The following ENOSF1 variants were observed in gnomAD, a reference collection of about 807,000 sequenced individuals.
ENOSF1 encodes the protein enolase superfamily member 1.
ENOSF1 carries 73 observed loss-of-function variants against 68.2 expected under a neutral mutation model. The observed-to-expected ratio is 1.07, with a 90% CI of 0.89 to 1.30. The LOEUF is 1.30. Ranked by LOEUF, ENOSF1 falls within the 50% of genes most tolerant of loss-of-function variation. The probability of loss-of-function intolerance (pLI) is 0.00; values close to 1 mark genes in which losing one functional copy is unlikely to be tolerated. For missense variants in ENOSF1, 589 were observed against 554.5 expected, an observed-to-expected ratio of 1.06 and a Z score of -0.62; for synonymous variants, 223 against 210.4, an observed-to-expected ratio of 1.06 and a Z score of -0.52.
intron 2 of ENOSF1, among the ~76,000 whole-genome samples, chr18:703,927 G>A (rs1358740510): frequency 6.6e-6 from 1 of 152,066 alleles, no homozygotes; most frequent in Non-Finnish European, 1.5e-5. Context: ...TTAAAAGTGT[G>A]TAGCACCTCC....
intron 9 of ENOSF1, 81 bp from the exon 10 acceptor site, chr18:686,089 G>T (rs146074607): frequency 3.2e-6 from 3 of 945,920 alleles, no homozygotes; most frequent in Middle Eastern, 4.2e-4. Flanking sequence ...AGAAGTGACC[G>T]TCTCTGTCAA....
chr18:709,205 A>G (rs2079249258), intron 1 of ENOSF1, among the ~76,000 whole-genome samples: 2 of 152,194 alleles, frequency 1.3e-5, no homozygotes, highest in African/African-American at 4.8e-5. Flanking sequence ...AGTCTCCGGC[A>G]TAAAGGGTGG....
rs1446158374 is a variant in ENOSF1 at position 683,361 on chromosome 18, C to T, written c.761G>A (p.Arg254His). ...EKTLMMDANQ[R>H]WDVPEAVEWM... ...CTCCACCGCCTCAGGCACATCCCAGCGCTGGTTGGCATCCATCATCTGCAA... is the reference window on the plus strand; with the variant it reads ...CTCCACCGCCTCAGGCACATCCCAGTGCTGGTTGGCATCCATCATCTGCAA... The change falls in exon 11 of 16, where the codon CGC (arginine) becomes CAC (histidine). Residue 254 changes from arginine (R) to histidine (H), a missense_variant. Coordinates refer to ENST00000647584, the MANE Select transcript of ENOSF1 (RefSeq NM_017512.7). 6 of 1,614,014 alleles carry T rather than the reference C, an allele frequency of 3.7e-6. No homozygotes were observed. Among genetic ancestry groups the T allele is most frequent in the East Asian group, 2.2e-5 (1 of 44,860 alleles).
intron 5 of ENOSF1, chr18:692,194 AAC>A (rs2077257616): frequency 6.6e-6 from 1 of 152,272 alleles, no homozygotes. Context: ...ACCCTGACGG[AAC>A]AGTCAGTTGG....
At chr18:680,844 C>T (rs1414679282) in intron 11 of ENOSF1, among the ~76,000 whole-genome samples, 1 of 148,524 alleles carries the variant, frequency 6.7e-6, no homozygotes, top group Non-Finnish European at 1.5e-5. Context: ...CCGCGCCCTG[C>T]TAATTTTTTT....
rs764943124 is a variant in ENOSF1 at position 670,796 on chromosome 18, C to T, written c.*3509G>A. The T allele has an allele frequency of 6.2e-7, 1 of 1,613,980 alleles. No individual in the cohort carries two copies. The highest frequency in any genetic ancestry group is 8.5e-7 in the Non-Finnish European group (1 of 1,180,038). Reference sequence around the variant, plus strand: ...GTACCAGAGATCGGGAGACATGGGCCTCGGTGTGCCTTTCAACATCGCCAG... The same window carrying T: ...GTACCAGAGATCGGGAGACATGGGCTTCGGTGTGCCTTTCAACATCGCCAG... On this transcript the variant is annotated 3_prime_UTR_variant, in exon 16 of 16. Coordinates refer to ENST00000647584, the MANE Select transcript of ENOSF1 (RefSeq NM_017512.7).
At chr18:694,546 C>A (rs1414397702) in intron 3 of ENOSF1, among the ~76,000 whole-genome samples, 1 of 151,110 alleles carries the variant, frequency 6.6e-6, no homozygotes, top group South Asian at 2.1e-4. Flanking sequence ...GAGGATCTCT[C>A]GAACCCAGAA....
Position 671,194 on chromosome 18 carries a change from G to T in ENOSF1, c.*3111C>A. On this transcript the variant is annotated 3_prime_UTR_variant, in exon 16 of 16. Transcript: ENST00000647584. Reference sequence around the variant, plus strand: ...GACTGAGACAGGAGCAATTGCTTGAGGTCTGGAGTTCAATACCAGCCTGGG... The same window carrying T: ...GACTGAGACAGGAGCAATTGCTTGATGTCTGGAGTTCAATACCAGCCTGGG... The T allele has an allele frequency of 1.6e-6, 1 of 619,974 alleles. No individual in the cohort carries two copies. The highest frequency in any genetic ancestry group is 2.8e-6 in the Non-Finnish European group (1 of 353,098). 38.4% of individuals were successfully genotyped at this position (619,974 alleles called of 1,614,324 possible). A position where few individuals can be genotyped will look rare whatever the true frequency, so the allele number is the denominator to read the frequency against.
At position 712,300 on chromosome 18, in the gene ENOSF1, G is replaced by A. The variant is rs901949441; in HGVS notation, c.84+204C>T. On this transcript the variant is annotated intron_variant, in intron 1 of 15. Coordinates refer to ENST00000647584, the MANE Select transcript of ENOSF1 (RefSeq NM_017512.7). The stretch of plus-strand genomic sequence containing the variant: ...TGGGTTCGAAGTCGGGAAGCTGCCC[G>A]GGGCCCGCAGAGCTGCAGTCGGCGG... 1.0e-5 allele frequency: 15 copies of A among 1,506,310 alleles called. 1 individual carries two copies. Among genetic ancestry groups the A allele is most frequent in the Middle Eastern group, 2.3e-4 (1 of 4,422 alleles). The allele number at this position is 1,506,310 out of a possible 1,614,324, so 93.3% of individuals were successfully genotyped here. A position where few individuals can be genotyped will look rare whatever the true frequency, so the allele number is the denominator to read the frequency against.
At position 694,316 on chromosome 18, in the gene ENOSF1, C is replaced by T. The variant is rs375897872; in HGVS notation, c.328G>A (p.Val110Met). 25 of 1,614,134 alleles carry T rather than the reference C, an allele frequency of 1.5e-5. No individual in the cohort carries two copies. Among genetic ancestry groups the T allele is most frequent in the Middle Eastern group, 1.6e-4 (1 of 6,062 alleles). The part of the protein sequence containing the change: ...QLRWIGPEKG[V>M]VHLATAAVLN... Reference sequence around the variant, plus strand: ...ACGGCCGCTGTCGCCAGGTGCACCACGCCCTTTTCTGGACCAATCTGGTTA... The same window carrying T: ...ACGGCCGCTGTCGCCAGGTGCACCATGCCCTTTTCTGGACCAATCTGGTTA... Residue 110 changes from valine to methionine, a missense_variant, in exon 4 of 16, where the codon GTG becomes ATG. Val to Met is a conservative substitution (Grantham distance 21). Transcript: ENST00000647584.
chr18:681,202 T>A (rs1568031200), intron 11 of ENOSF1, among the ~76,000 whole-genome samples: 1 of 152,190 alleles, frequency 6.6e-6, no homozygotes, highest in African/African-American at 2.4e-5. Context: ...GGTGGCTCAC[T>A]CTGACTGGCT....
At chr18:693,293 C>T in intron 5 of ENOSF1, 1 of 1,262,416 alleles carries the variant, frequency 7.9e-7, no homozygotes, top group South Asian at 1.3e-5. Context: ...TGATCTTATT[C>T]TTGGTGTCAA....
At chr18:691,509 CTAATT>C (rs2077170895) in intron 5 of ENOSF1, 2 of 456,712 alleles carry the variant, frequency 4.4e-6, no homozygotes, top group Non-Finnish European at 7.8e-6. Context: ...CTATGCCCGG[CTAATT>C]TATTTTTATT....
intron 2 of ENOSF1, 119 bp from the exon 3 acceptor site, chr18:697,474 G>C (rs986106921): frequency 1.0e-5 from 8 of 779,456 alleles, no homozygotes; most frequent in Non-Finnish European, 1.7e-5. Context: ...ATCTAGGCCA[G>C]GCGCGGTGGC....
At chr18:666,981 AGATGGTGATGGT>A (rs1458799324), downstream of ENOSF1, among the ~76,000 whole-genome samples, 8 of 8,550 alleles carry the variant, frequency 9.4e-4, 2 homozygotes, top group South Asian at 0.01. Flanking sequence ...ATGGAGATGG[AGATGGTGATGGT>A]GATGGAGATG....
intron 5 of ENOSF1, chr18:691,495 G>A (rs2077168868): frequency 1.9e-6 from 1 of 515,888 alleles, no homozygotes; most frequent in Non-Finnish European, 3.4e-6. Context: ...CCAGGTATGT[G>A]CCACTATGCC....
At chr18:697,165 T>G in intron 3 of ENOSF1, 75 bp downstream of exon 3, 1 of 965,940 alleles carries the variant, frequency 1.0e-6, no homozygotes, top group East Asian at 2.4e-5. Flanking sequence ...TATTTTCACA[T>G]TCGTTGCACT....
In ENOSF1 at chr18:688,752, G is replaced by A. The variant is rs2076869232; in HGVS notation, c.619-144C>T. Reference sequence around the variant, plus strand: ...CCATGTGTTGTTGAAATTAACAGCAGAAACAGCCTGGCTGACAGAGATCAC... The same window carrying A: ...CCATGTGTTGTTGAAATTAACAGCAAAAACAGCCTGGCTGACAGAGATCAC... On this transcript the variant is annotated intron_variant, in intron 8 of 15. Coordinates refer to ENST00000647584, the MANE Select transcript of ENOSF1 (RefSeq NM_017512.7). The A allele has an allele frequency of 9.0e-5, 63 of 696,922 alleles. 1 individual carries two copies. In the East Asian group the frequency reaches 1.7e-3, roughly 19 times the overall value. 43.2% of individuals were successfully genotyped at this position (696,922 alleles called of 1,614,324 possible). A position where few individuals can be genotyped will look rare whatever the true frequency, so the allele number is the denominator to read the frequency against.
At chr18:693,198 A>G (rs1218179780) in intron 5 of ENOSF1, 1 of 1,289,142 alleles carries the variant, frequency 7.8e-7, no homozygotes, top group East Asian at 5.6e-5. Flanking sequence ...GGTCAAGGAG[A>G]AAGAAAACAG....
Sources: gnomAD v4.1 joint callset for allele counts (sites outside exome capture counted in the v4.1 genomes callset) on GRCh38, gnomAD v4.1.1 for gene constraint, MANE v1.5 for transcripts, NCBI Gene and HGNC (gene_info 2026-07-23, HGNC 2026-07-21) for gene names.